TRIML1: variants seen among roughly 807,000 people sequenced by gnomAD.
TRIML1 encodes the protein tripartite motif family like 1, also known as probable E3 ubiquitin-protein ligase TRIML1.
Under a neutral mutation model 32.3 loss-of-function variants are expected in TRIML1, and 34 were observed. That is an observed-to-expected ratio of 1.05 (90% CI 0.80 to 1.40). The LOEUF (loss-of-function observed/expected upper bound fraction) is 1.40. Ranked by LOEUF, TRIML1 falls within the 40% of genes most tolerant of loss-of-function variation. The pLI is 0.00. For missense variants in TRIML1, 595 were observed against 574.9 expected (o/e 1.03, Z -0.36); for synonymous variants, 244 against 226.6 (o/e 1.08, Z -0.69).
chr4:188,137,475 C>CT (rs70938701), upstream of TRIML1, among the ~76,000 whole-genome samples: 11 of 101,454 alleles, frequency 1.1e-4, no homozygotes, highest in South Asian at 3.6e-4. Context: ...GCTATTTTTA[C>CT]TTTTTTTTTT....
intron 5 of TRIML1, among the ~76,000 whole-genome samples, chr4:188,144,939 A>G (rs2111234993): frequency 6.6e-6 from 1 of 152,246 alleles, no homozygotes; most frequent in African/African-American, 2.4e-5. Context: ...AAGAGGCCTA[A>G]TGAGCTTTGA....
chr4:188,145,441 C>CAAA (rs869253721), intron 5 of TRIML1, among the ~76,000 whole-genome samples: 3,415 of 33,576 alleles, frequency 0.1, 437 homozygotes, highest in Middle Eastern at 0.28. Context: ...GACTCCGTCT[C>CAAA]AAAAAAAAAA....
chr4:188,142,634 A>G (rs1734905746), intron 3 of TRIML1, 152 bp downstream of exon 3: 1 of 609,412 alleles, frequency 1.6e-6, no homozygotes, highest in South Asian at 2.2e-5. Flanking sequence ...ATATGTCAAT[A>G]AAGCCTTATA....
At chr4:188,138,176 G>A (rs1453442288), upstream of TRIML1, among the ~76,000 whole-genome samples, 1 of 152,106 alleles carries the variant, frequency 6.6e-6, no homozygotes, top group East Asian at 1.9e-4. Context: ...TCAGAAAGGT[G>A]AGTTTTGACT....
chr4:188,150,667 T>A (rs1735230117), downstream of TRIML1, among the ~76,000 whole-genome samples: 1 of 151,810 alleles, frequency 6.6e-6, no homozygotes, highest in Non-Finnish European at 1.5e-5. Context: ...CCCAAAGTGG[T>A]AGATACTGAC....
rs369028240 is a variant in TRIML1, at chr4:188,139,876, C to T, written c.318C>T (p.Ser106=). ...GRMPTTAKAL[S]DDEQGGSAFV... is the part of the protein sequence containing the mutation. ...TGCCCACCACTGCCAAGGCGCTCTC[C>T]GATGACGAGCAGGGTGGAAGCGCCT... The change falls in exon 1 of 6, where the codon TCC becomes TCT. Residue 106 remains serine (S), a synonymous_variant. Coordinates refer to ENST00000332517, the MANE Select transcript of TRIML1 (RefSeq NM_178556.5). The T allele has an allele frequency of 2.0e-5, 32 of 1,613,788 alleles. No individual in the cohort carries two copies. Among genetic ancestry groups the T allele is most frequent in the Admixed American group, 1.3e-4 (8 of 60,018 alleles).
chr4:188,149,383 A>C (rs1401239679), downstream of TRIML1, among the ~76,000 whole-genome samples: 1 of 152,100 alleles, frequency 6.6e-6, no homozygotes, highest in Non-Finnish European at 1.5e-5. Context: ...TGTTATTACT[A>C]AGATGTTTAG....
upstream of TRIML1, among the ~76,000 whole-genome samples, chr4:188,137,493 T>C (rs1734695218): frequency 1.4e-5 from 2 of 142,202 alleles, no homozygotes; most frequent in African/African-American, 5.6e-5. Context: ...TTTTTTTTTT[T>C]TGAGACAGAG....
intron 5 of TRIML1, among the ~76,000 whole-genome samples, chr4:188,145,283 C>CA (rs907974064): frequency 1.1e-4 from 17 of 148,410 alleles, no homozygotes; most frequent in Admixed American, 2.0e-4. Flanking sequence ...GCTAAAAATA[C>CA]AAAAAAAAAT....
chr4:188,146,221 G>A (rs923009978), intron 5 of TRIML1, among the ~76,000 whole-genome samples: 1 of 152,122 alleles, frequency 6.6e-6, no homozygotes, highest in African/African-American at 2.4e-5. Flanking sequence ...CTATGTGGAC[G>A]CACAGCTCGG....
chr4:188,150,269 T>C (rs570169123), downstream of TRIML1, among the ~76,000 whole-genome samples: 2 of 151,834 alleles, frequency 1.3e-5, no homozygotes, highest in African/African-American at 2.4e-5. Context: ...TTAATCCCCA[T>C]AGGCATGCAC....
At chr4:188,149,036 C>G (rs999027268), downstream of TRIML1, among the ~76,000 whole-genome samples, 4 of 151,002 alleles carry the variant, frequency 2.6e-5, no homozygotes, top group African/African-American at 9.7e-5. Context: ...GCCTCAGCCT[C>G]CCGAGTAGCT....
intron 5 of TRIML1, among the ~76,000 whole-genome samples, chr4:188,146,460 A>G (rs965023202): frequency 6.6e-6 from 1 of 152,142 alleles, no homozygotes; most frequent in Non-Finnish European, 1.5e-5. Context: ...CCCAGGCTGG[A>G]GTGCAGTGGT....
intron 4 of TRIML1, 28 bp downstream of exon 4, chr4:188,143,888 G>C (rs1325730172): frequency 6.2e-7 from 1 of 1,614,122 alleles, no homozygotes; most frequent in African/African-American, 1.3e-5. Flanking sequence ...GTTCAGTTAT[G>C]CAAGCTGCGG....
intron 3 of TRIML1, 42 bp downstream of exon 3, chr4:188,142,524 A>G (rs1734903534): frequency 7.1e-7 from 1 of 1,416,040 alleles, no homozygotes; most frequent in Middle Eastern, 1.8e-4. Flanking sequence ...AAATTATAGT[A>G]ACTCATAGTA....
chr4:188,143,898 G>T, intron 4 of TRIML1, 38 bp downstream of exon 4: 1 of 1,613,994 alleles, frequency 6.2e-7, no homozygotes, highest in South Asian at 1.1e-5. Context: ...GCAAGCTGCG[G>T]GGCAGTGGTG....
At chr4:188,143,951 G>A in intron 4 of TRIML1, 85 bp from the exon 5 acceptor site, 2 of 1,605,446 alleles carry the variant, frequency 1.2e-6, no homozygotes, top group Admixed American at 3.3e-5. Flanking sequence ...CTGCGCTGTT[G>A]CTGGGGGAGA....
chr4:188,146,963 C>G lies in TRIML1; in HGVS notation c.998C>G (p.Thr333Ser). 1.9e-6 allele frequency: 3 copies of G among 1,554,382 alleles called. No homozygotes were observed. The highest frequency in any genetic ancestry group is 1.4e-5 in the African/African-American group (1 of 73,202). Residue 333 changes from threonine (T) to serine (S), a missense_variant, in exon 6 of 6, where the codon ACT (threonine) becomes AGT (serine). By Grantham distance (58) the Thr-to-Ser change is moderately conservative. Coordinates refer to ENST00000332517, the MANE Select transcript of TRIML1 (RefSeq NM_178556.5). ...GACCAGTCTGCGACTGTGCTGGGTA[C>G]TCAGATCTTCACCAGTGGGAGACAC... The part of the protein sequence containing the change: ...RFDQSATVLG[T>S]QIFTSGRHYW...
At position 188,147,418 on chromosome 4, in the gene TRIML1, A is replaced by T; in HGVS notation, c.*46A>T. The T allele has an allele frequency of 7.0e-7, 1 of 1,432,480 alleles. No individual in the cohort carries two copies. Among genetic ancestry groups the T allele is most frequent in the Non-Finnish European group, 9.2e-7 (1 of 1,092,190 alleles). 88.7% of individuals were successfully genotyped at this position (1,432,480 alleles called of 1,614,324 possible). On this transcript the variant is annotated 3_prime_UTR_variant, in exon 6 of 6. Transcript: ENST00000332517. ...ACAGCGGGCGATGTCTGAGACCAAG[A>T]CACAACTATTAAGACGATGAAGGCA...
Sources: gnomAD v4.1 joint callset for allele counts (sites outside exome capture counted in the v4.1 genomes callset) on GRCh38, gnomAD v4.1.1 for gene constraint, MANE v1.5 for transcripts, NCBI Gene and HGNC (gene_info 2026-07-23, HGNC 2026-07-21) for gene names.